ABCB11: variants seen among roughly 807,000 people sequenced by gnomAD.
ABCB11 encodes bile salt export pump.
ABCB11 carries 95 observed loss-of-function variants against 148.0 expected under a neutral mutation model. The observed-to-expected ratio is 0.64, with a 90% CI of 0.54 to 0.76. ABCB11 has a LOEUF of 0.76. Ranked by LOEUF, ABCB11 falls within the 30% of genes least tolerant of loss-of-function variation. The pLI is 0.00. For synonymous variants in ABCB11, 591 were observed against 555.4 expected (o/e 1.06, Z -0.90); for missense variants, 1,523 against 1,617.8 (o/e 0.94, Z 1.01).
At chr2:168,987,549 C>T (rs1365098324) in intron 9 of ABCB11, among the ~76,000 whole-genome samples, 1 of 152,150 alleles carries the variant, frequency 6.6e-6, no homozygotes, top group African/African-American at 2.4e-5. Context: ...CCCACCTCAG[C>T]CTCCCAAGTA....
In ABCB11 at chr2:168,986,127, G is replaced by A; in HGVS notation, c.1066C>T (p.Pro356Ser). The A allele has an allele frequency of 6.2e-7, 1 of 1,610,024 alleles. No individual in the cohort carries two copies. Among genetic ancestry groups the A allele is most frequent in the Non-Finnish European group, 8.5e-7 (1 of 1,177,876 alleles). ...CAAGGTACCTGGACAAGGGTTCCTG[G>A]TGTATATTCTCCTTCATCCAGGACA... is the stretch of plus-strand genomic sequence containing the variant. ...TLVLDEGEYT[P>S]GTLVQIFLSV... The change falls in exon 10 of 28, where the codon CCA becomes TCA. Residue 356 changes from proline to serine, a missense_variant. Pro to Ser is a moderately conservative substitution (Grantham distance 74). Transcript: ENST00000650372.
At chr2:169,018,735 G>T (rs3755162) in intron 1 of ABCB11, among the ~76,000 whole-genome samples, 7,622 of 151,998 alleles carry the variant, frequency 0.05, 216 homozygotes, top group African/African-American at 0.066. Context: ...TTTATAGAGG[G>T]TACAGGCTGA....
intron 18 of ABCB11, among the ~76,000 whole-genome samples, chr2:168,961,189 AT>A (rs1693060098): frequency 6.6e-6 from 1 of 151,766 alleles, no homozygotes; most frequent in Admixed American, 6.6e-5. Context: ...TGATGCATTC[AT>A]AGTTCAATGC....
At position 168,944,941 on chromosome 2, in the gene ABCB11, T is replaced by A. The variant is rs1398378368; in HGVS notation, c.2364A>T (p.Lys788Asn). Residue 788 changes from lysine to asparagine, a missense_variant, in exon 20 of 28, where the codon AAA (lysine) becomes AAT (asparagine). By Grantham distance (94) the Lys-to-Asn change is moderately conservative (BLOSUM62 0). Coordinates refer to ENST00000650372, the MANE Select transcript of ABCB11 (RefSeq NM_003742.4). ...QILGTFSIPD[K>N]EEQRSQINGV... ...CATTGATCTGTGACCTTTGTTCCTC[T>A]TTATCAGGAATTGAAAAAGTCTTGG... 2 of 1,558,184 alleles carry A rather than the reference T, an allele frequency of 1.3e-6. No individual in the cohort carries two copies. The highest frequency in any genetic ancestry group is 1.7e-6 in the Non-Finnish European group (2 of 1,150,622).
At chr2:168,933,752 T>TGTTTC (rs1405493974) in intron 23 of ABCB11, among the ~76,000 whole-genome samples, 3 of 151,774 alleles carry the variant, frequency 2.0e-5, no homozygotes, top group Admixed American at 2.0e-4. Flanking sequence ...TTCCACTTTT[T>TGTTTC]GTTTTGTTTT....
At chr2:168,997,793 T>C (rs939340047) in intron 5 of ABCB11, among the ~76,000 whole-genome samples, 9 of 152,076 alleles carry the variant, frequency 5.9e-5, no homozygotes, top group African/African-American at 2.2e-4. Context: ...AATATCTTTA[T>C]TGAATATATT....
At chr2:168,988,543 C>A (rs1354287805) in intron 9 of ABCB11, among the ~76,000 whole-genome samples, 2 of 152,066 alleles carry the variant, frequency 1.3e-5, no homozygotes, top group Non-Finnish European at 1.5e-5. Context: ...TGATTCCATA[C>A]CTTGGCTATT....
At chr2:168,920,390 T>TTA (rs139479796), downstream of ABCB11, among the ~76,000 whole-genome samples, 1,725 of 151,828 alleles carry the variant, frequency 0.011, 61 homozygotes, top group East Asian at 0.08. Flanking sequence ...TTTATTTTTT[T>TTA]AAATAAACTC....
At chr2:169,027,776 G>A (rs1221750193) in intron 1 of ABCB11, among the ~76,000 whole-genome samples, 1 of 152,150 alleles carries the variant, frequency 6.6e-6, no homozygotes, top group Non-Finnish European at 1.5e-5. Context: ...CCCACTACTT[G>A]CCACTACAGC....
intron 19 of ABCB11, among the ~76,000 whole-genome samples, chr2:168,949,456 T>G (rs974024141): frequency 1.3e-5 from 2 of 151,662 alleles, no homozygotes; most frequent in African/African-American, 4.8e-5. Flanking sequence ...ATGTGGCATC[T>G]GATTTTTTGT....
Position 168,921,857 on chromosome 2 carries a change from C to CT in ABCB11, c.*1764dup, listed in dbSNP as rs1691083931. Among the ~76,000 whole-genome samples the CT allele has an allele frequency of 4.4e-5, 6 of 136,038 alleles. No homozygotes were observed. Among genetic ancestry groups the CT allele is most frequent in the Middle Eastern group, 3.8e-3 (1 of 264 alleles). The allele number at this position is 136,038 out of a possible 152,430, so 89.2% of individuals were successfully genotyped here. ...GGAGTCCTTGACCTCTTTTCTTTTT[C>CT]TTTTTCTTTTTTTTTTTTTTTCGCT... On this transcript the variant is annotated 3_prime_UTR_variant, in exon 28 of 28. Coordinates refer to ENST00000650372, the MANE Select transcript of ABCB11 (RefSeq NM_003742.4).
chr2:168,956,368 TG>T (rs1050102626), intron 19 of ABCB11, among the ~76,000 whole-genome samples: 4 of 151,742 alleles, frequency 2.6e-5, no homozygotes, highest in African/African-American at 7.2e-5. Flanking sequence ...TGTGGTCCTT[TG>T]GTGGTGTCAT....
rs143064069 is a variant in ABCB11 at position 168,937,048 on chromosome 2, C to T, written c.2611-615G>A. Among the ~76,000 whole-genome samples the T allele has an allele frequency of 4.2e-3, 634 of 152,172 alleles. 7 individuals are homozygous for T. Among genetic ancestry groups the T allele is most frequent in the African/African-American group, 0.014 (592 of 41,516 alleles). On this transcript the variant is annotated intron_variant, in intron 21 of 27. Coordinates refer to ENST00000650372, the MANE Select transcript of ABCB11 (RefSeq NM_003742.4). Reference sequence around the variant, plus strand: ...GGACCACAGATGCATGCCACTACACCTGCTAATTTTTTAATCTTAGTAGAA... The same window carrying T: ...GGACCACAGATGCATGCCACTACACTTGCTAATTTTTTAATCTTAGTAGAA...
In ABCB11 at chr2:169,027,467, C is replaced by T. The variant is rs529411924; in HGVS notation, c.-28+3758G>A. Among the ~76,000 whole-genome samples the T allele has an allele frequency of 6.5e-4, 99 of 152,264 alleles. 1 individual carries two copies. Among genetic ancestry groups the T allele is most frequent in the South Asian group, 4.8e-3 (23 of 4,828 alleles). ...ATGTGTAATCTTATCAACACAGATA[C>T]GCACATTAGAGAACAGTCTCCTGAC... On this transcript the variant is annotated intron_variant, in intron 1 of 27. Coordinates refer to ENST00000650372, the MANE Select transcript of ABCB11 (RefSeq NM_003742.4).
intron 1 of ABCB11, among the ~76,000 whole-genome samples, chr2:169,018,923 A>G (rs1181379017): frequency 1.3e-5 from 2 of 152,314 alleles, no homozygotes; most frequent in East Asian, 3.9e-4. Flanking sequence ...CCGAAGAGTA[A>G]GCAGAGCACA....
At chr2:168,978,017 G>T (rs564790054) in intron 11 of ABCB11, among the ~76,000 whole-genome samples, 1 of 151,668 alleles carries the variant, frequency 6.6e-6, no homozygotes, top group Admixed American at 6.6e-5. Flanking sequence ...TGCTAATAAA[G>T]GTAAGAAATA....
intron 21 of ABCB11, among the ~76,000 whole-genome samples, chr2:168,938,063 G>T (rs948726448): frequency 5.9e-5 from 9 of 152,172 alleles, no homozygotes; most frequent in Admixed American, 1.3e-4. Flanking sequence ...AACGACAAAA[G>T]GTAACCTGTT....
At chr2:168,946,549 G>A (rs542582428) in intron 19 of ABCB11, among the ~76,000 whole-genome samples, 101 of 151,714 alleles carry the variant, frequency 6.7e-4, no homozygotes, top group Admixed American at 2.4e-3. Context: ...AGCATAACTC[G>A]TAAGTTTACA....
intron 1 of ABCB11, among the ~76,000 whole-genome samples, chr2:169,023,232 A>T (rs1020330711): frequency 1.3e-5 from 2 of 152,222 alleles, no homozygotes; most frequent in Non-Finnish European, 2.9e-5. Context: ...AACAATTTAA[A>T]AAATAATTAA....
Sources: gnomAD v4.1 joint callset for allele counts (sites outside exome capture counted in the v4.1 genomes callset) on GRCh38, gnomAD v4.1.1 for gene constraint, MANE v1.5 for transcripts, NCBI Gene and HGNC (gene_info 2026-07-23, HGNC 2026-07-21) for gene names.